NIPAL2: variants seen among roughly 807,000 people sequenced by gnomAD.
The protein encoded by NIPAL2 is NIPA-like protein 2.
Under a neutral mutation model 48.9 loss-of-function variants are expected in NIPAL2, and 43 were observed. That is an observed-to-expected ratio of 0.88 (90% CI 0.69 to 1.13). The LOEUF (loss-of-function observed/expected upper bound fraction) is 1.13, where lower values mean the gene tolerates loss of function less well. Among genes scored for constraint, NIPAL2 ranks in the 50% most tolerant of loss-of-function variants. The pLI is 0.00. For missense variants in NIPAL2, 446 were observed against 461.4 expected, an observed-to-expected ratio of 0.97 and a Z score of 0.31; for synonymous variants, 167 against 174.6, an observed-to-expected ratio of 0.96 and a Z score of 0.34.
At chr8:98,223,190 T>C (rs1228865268) in intron 4 of NIPAL2, among the ~76,000 whole-genome samples, 2 of 152,212 alleles carry the variant, frequency 1.3e-5, no homozygotes, top group Admixed American at 1.3e-4. Context: ...GGCTTTGCTG[T>C]AGGAGTTTAA....
chr8:98,230,968 G>T (rs1038069105), intron 4 of NIPAL2, among the ~76,000 whole-genome samples: 1 of 152,132 alleles, frequency 6.6e-6, no homozygotes, highest in Non-Finnish European at 1.5e-5. Flanking sequence ...CTGACTTTTA[G>T]GAGCCTTAAG....
At chr8:98,266,737 C>T (rs1455195319) in intron 1 of NIPAL2, among the ~76,000 whole-genome samples, 1 of 151,204 alleles carries the variant, frequency 6.6e-6, no homozygotes, top group Admixed American at 6.6e-5. Flanking sequence ...AGCAAAAACA[C>T]CAATTTTATT....
chr8:98,274,425 A>C (rs1267341832), intron 1 of NIPAL2, among the ~76,000 whole-genome samples: 1 of 151,930 alleles, frequency 6.6e-6, no homozygotes, highest in Non-Finnish European at 1.5e-5. Flanking sequence ...ATGGCTTTAG[A>C]CTTTTTTTCC....
At chr8:98,287,507 A>T (rs139691541) in intron 1 of NIPAL2, among the ~76,000 whole-genome samples, 3 of 152,334 alleles carry the variant, frequency 2.0e-5, no homozygotes, top group African/African-American at 7.2e-5. Context: ...AATAACTGAC[A>T]TAATTTTTCT....
At position 98,236,169 on chromosome 8, in the gene NIPAL2, G is replaced by T. The variant is rs1025219079; in HGVS notation, c.422C>A (p.Ala141Asp). The change falls in exon 4 of 11, where the codon GCC becomes GAC. Residue 141 changes from alanine to aspartate, a missense_variant. By Grantham distance (126) the Ala-to-Asp change is moderately radical. Transcript: ENST00000430223. The part of the protein sequence containing the change: ...SVTFLKDNLR[A>D]SDLLGTTLAF... ...TAATTACTTACCGAGTAAGTCTGAG[G>T]CTCTCAAATTGTCTTTCAGAAATGT... is the stretch of plus-strand genomic sequence containing the variant. The T allele has an allele frequency of 6.9e-6, 11 of 1,598,918 alleles. No homozygotes were observed. Among genetic ancestry groups the T allele is most frequent in the African/African-American group, 1.3e-5 (1 of 74,204 alleles).
At chr8:98,272,771 T>A (rs1480576909) in intron 1 of NIPAL2, among the ~76,000 whole-genome samples, 1 of 152,126 alleles carries the variant, frequency 6.6e-6, no homozygotes, top group Admixed American at 6.5e-5. Flanking sequence ...CGTGGCACAA[T>A]GCCTGGCTAA....
chr8:98,285,474 G>A (rs182419571), intron 1 of NIPAL2, among the ~76,000 whole-genome samples: 290 of 152,260 alleles, frequency 1.9e-3, no homozygotes, highest in Middle Eastern at 3.4e-3. Flanking sequence ...TTCACTAGTG[G>A]TTGAGAAAGT....
intron 1 of NIPAL2, among the ~76,000 whole-genome samples, chr8:98,272,675 C>T (rs1367908068): frequency 6.7e-6 from 1 of 149,620 alleles, no homozygotes; most frequent in Non-Finnish European, 1.5e-5. Flanking sequence ...AGTGCAGTGG[C>T]ACAATCTTGG....
chr8:98,236,616 C>A (rs1182680104), intron 3 of NIPAL2, among the ~76,000 whole-genome samples: 1 of 151,942 alleles, frequency 6.6e-6, no homozygotes, highest in Non-Finnish European at 1.5e-5. Context: ...TAAGCCTCAG[C>A]ACTTTGGGAG....
At chr8:98,203,419 A>T (rs1810894556) in intron 7 of NIPAL2, among the ~76,000 whole-genome samples, 1 of 152,208 alleles carries the variant, frequency 6.6e-6, no homozygotes, top group African/African-American at 2.4e-5. Flanking sequence ...TAACAATGAA[A>T]AGCAATTAAT....
At chr8:98,275,249 G>A (rs114677485) in intron 1 of NIPAL2, among the ~76,000 whole-genome samples, 12 of 151,724 alleles carry the variant, frequency 7.9e-5, no homozygotes, top group Non-Finnish European at 1.5e-4. Context: ...GTATTACCCC[G>A]TTATAGATAT....
intron 3 of NIPAL2, among the ~76,000 whole-genome samples, chr8:98,236,743 T>G (rs1586369877): frequency 6.8e-6 from 1 of 146,146 alleles, no homozygotes; most frequent in Admixed American, 7.1e-5. Context: ...TCCCAGCTAC[T>G]GGGGAGGCTG....
At chr8:98,257,515 C>T (rs2130841408) in intron 1 of NIPAL2, among the ~76,000 whole-genome samples, 1 of 152,188 alleles carries the variant, frequency 6.6e-6, no homozygotes, top group East Asian at 1.9e-4. Context: ...CCTTGACCTA[C>T]CTAAGTGCCG....
At chr8:98,234,544 T>C (rs916224569) in intron 4 of NIPAL2, among the ~76,000 whole-genome samples, 6 of 151,982 alleles carry the variant, frequency 3.9e-5, no homozygotes, top group African/African-American at 1.5e-4. Flanking sequence ...ACTCAGGTAT[T>C]GGTCATTTTT....
rs941911060 is a variant in NIPAL2, at chr8:98,227,536, C to A, written c.437-4936G>T. On this transcript the variant is annotated intron_variant, in intron 4 of 10. Coordinates refer to ENST00000430223, the MANE Select transcript of NIPAL2 (RefSeq NM_001321635.2). ...GCTTCCTTTCTGGCCCAGGGTGTGT[C>A]GAGAAATGTCATCCAGGAGCTACGG... Among the ~76,000 whole-genome samples, 2 of 152,128 alleles carry A rather than the reference C, an allele frequency of 1.3e-5. 1 individual carries two copies. The highest frequency in any genetic ancestry group is 2.9e-5 in the Non-Finnish European group (2 of 68,032).
Position 98,248,020 on chromosome 8 carries a change from C to T in NIPAL2, c.376+4443G>A, listed in dbSNP as rs6995800. On this transcript the variant is annotated intron_variant, in intron 3 of 10. Transcript: ENST00000430223. ...AAGCCAGAGCAAGAAGATGGAAAAC[C>T]GTATATACATCTAGCTTGCTAAGCA... Among the ~76,000 whole-genome samples the T allele has an allele frequency of 9.8e-4, 149 of 152,296 alleles. 1 individual carries two copies. Among genetic ancestry groups the T allele is most frequent in the African/African-American group, 3.3e-3 (138 of 41,570 alleles).
chr8:98,219,905 T>C (rs1200361810), intron 5 of NIPAL2, among the ~76,000 whole-genome samples: 2 of 152,056 alleles, frequency 1.3e-5, no homozygotes, highest in Non-Finnish European at 2.9e-5. Context: ...CATCCACAGA[T>C]TGGAATGAGT....
chr8:98,264,647 A>C (rs1814591719), intron 1 of NIPAL2, among the ~76,000 whole-genome samples: 1 of 150,520 alleles, frequency 6.6e-6, no homozygotes, highest in South Asian at 2.1e-4. Flanking sequence ...AAACAAATGG[A>C]AGAACATTCC....
chr8:98,219,869 C>T (rs1170624622), intron 5 of NIPAL2, among the ~76,000 whole-genome samples: 2 of 152,116 alleles, frequency 1.3e-5, no homozygotes, highest in Non-Finnish European at 2.9e-5. Context: ...CTAGCAAAGT[C>T]CCCTACCTCC....
Sources: allele counts gnomAD v4.1 joint callset (sites outside exome capture counted in the v4.1 genomes callset), GRCh38; gene constraint gnomAD v4.1.1; transcripts MANE v1.5; gene names NCBI Gene and HGNC (gene_info 2026-07-23, HGNC 2026-07-21).